Variants in CELF2 observed in about 807,000 individuals in gnomAD.
The protein encoded by CELF2 is CUGBP Elav-like family member 2.
In CELF2, 8 loss-of-function variants were observed where a neutral mutation model predicts 62.6. That is an observed-to-expected ratio of 0.13 (90% confidence interval 0.07 to 0.23). The LOEUF is 0.23. Ranked by LOEUF, CELF2 falls within the 10% of genes least tolerant of loss-of-function variation. The pLI is 1.00. For missense variants in CELF2, 333 were observed against 671.0 expected (o/e 0.50, Z 5.56); for synonymous variants, 258 against 250.0 (o/e 1.03, Z -0.30).
rs939460909 is a variant in CELF2, at chr10:10,995,712, T to G, written c.89+75713T>G. Among the ~76,000 whole-genome samples the G allele has an allele frequency of 3.3e-5, 5 of 152,146 alleles. No homozygotes were observed. Among genetic ancestry groups the G allele is most frequent in the African/African-American group, 1.2e-4 (5 of 41,450 alleles). The stretch of plus-strand genomic sequence containing the variant: ...GTATTAAATAACTCTGGCTGAAATG[T>G]GTAGCATGGATCAGAGCCAGAGAGA... On this transcript the variant is annotated intron_variant, in intron 2 of 13. Transcript: ENST00000636488. The surrounding 1 kb of genome is among the most constrained non-coding windows in gnomAD (Gnocchi z 4.7).
the CELF2 span, among the ~76,000 whole-genome samples, chr10:10,546,303 A>C: frequency 6.6e-6 from 1 of 152,146 alleles, no homozygotes; most frequent in Non-Finnish European, 1.5e-5. Flanking sequence ...AAACCCACCG[A>C]ATTCTGATAA....
chr10:10,685,830 G>C, the CELF2 span, among the ~76,000 whole-genome samples: 1 of 152,124 alleles, frequency 6.6e-6, no homozygotes, highest in Non-Finnish European at 1.5e-5. Context: ...ACTGTTAGTC[G>C]GGGGAAGCTG....
chr10:11,283,516 T>C (rs2089742729), intron 8 of CELF2, among the ~76,000 whole-genome samples: 1 of 148,740 alleles, frequency 6.7e-6, no homozygotes, highest in African/African-American at 2.5e-5. Flanking sequence ...GGATAATGGA[T>C]GGATGGGTGA....
chr10:10,991,545 A>T (rs954653415), intron 2 of CELF2, among the ~76,000 whole-genome samples: 1 of 152,216 alleles, frequency 6.6e-6, no homozygotes, highest in African/African-American at 2.4e-5. Flanking sequence ...AACTGCCCAT[A>T]ACAAATTAGA....
chr10:11,203,142 T>C (rs939410347), intron 2 of CELF2, among the ~76,000 whole-genome samples: 16 of 152,134 alleles, frequency 1.1e-4, no homozygotes, highest in South Asian at 4.1e-4. Flanking sequence ...AATGAAAGTT[T>C]TTAGATCAAA....
At chr10:10,982,059 G>A (rs1358185155) in intron 2 of CELF2, among the ~76,000 whole-genome samples, 5 of 149,914 alleles carry the variant, frequency 3.3e-5, no homozygotes, top group East Asian at 2.0e-4. Context: ...AAGTTCAAGC[G>A]ATTCTCCTGC....
At chr10:10,964,419 C>T (rs549168251) in intron 2 of CELF2, among the ~76,000 whole-genome samples, 1 of 152,192 alleles carries the variant, frequency 6.6e-6, no homozygotes, top group East Asian at 1.9e-4. Context: ...TCATCTCGTG[C>T]CTTCAAAAAG....
the CELF2 span, among the ~76,000 whole-genome samples, chr10:10,560,463 T>C: frequency 6.6e-6 from 1 of 152,164 alleles, no homozygotes; most frequent in African/African-American, 2.4e-5. Flanking sequence ...CCTGGCAGGA[T>C]GAGGGGTAAT....
At chr10:10,912,720 G>A (rs1162046575) in intron 1 of CELF2, among the ~76,000 whole-genome samples, 1 of 152,170 alleles carries the variant, frequency 6.6e-6, no homozygotes, top group African/African-American at 2.4e-5. Flanking sequence ...AAGCCAGAAG[G>A]GGTGCAGGAG....
At chr10:10,798,585 A>C, upstream of CELF2, 1 of 395,392 alleles carries the variant, frequency 2.5e-6, no homozygotes, top group African/African-American at 2.1e-5. Context: ...TGTGGGACGG[A>C]GGAGAGCGCA....
chr10:10,768,082 C>T, the CELF2 span, among the ~76,000 whole-genome samples: 875 of 145,398 alleles, frequency 6.0e-3, 12 homozygotes, highest in African/African-American at 0.022. Flanking sequence ...AGGAGAATGG[C>T]GTGAACCCGG....
intron 2 of CELF2, among the ~76,000 whole-genome samples, chr10:10,968,539 G>A (rs1380719303): frequency 6.6e-6 from 1 of 152,210 alleles, no homozygotes; most frequent in African/African-American, 2.4e-5. Context: ...TCTGTGTGAA[G>A]TGGGAGTGTA....
intron 1 of CELF2, among the ~76,000 whole-genome samples, chr10:11,077,437 TA>T (rs2072369357): frequency 6.6e-6 from 1 of 152,226 alleles, no homozygotes; most frequent in Non-Finnish European, 1.5e-5. Context: ...AAGGCTTTTA[TA>T]ACGAGAGACC....
the CELF2 span, among the ~76,000 whole-genome samples, chr10:10,546,799 G>A: frequency 1.3e-5 from 2 of 149,138 alleles, no homozygotes; most frequent in Non-Finnish European, 3.0e-5. Flanking sequence ...TTTTTTTCCT[G>A]AATGATTCCT....
chr10:11,205,365 C>G (rs1345311827), intron 2 of CELF2, among the ~76,000 whole-genome samples: 1 of 152,196 alleles, frequency 6.6e-6, no homozygotes, highest in African/African-American at 2.4e-5. Context: ...CAAAGGGAGC[C>G]TGCATAGTGT....
the CELF2 span, among the ~76,000 whole-genome samples, chr10:10,581,763 T>C: frequency 2.0e-5 from 3 of 152,068 alleles, no homozygotes; most frequent in Non-Finnish European, 4.4e-5. Flanking sequence ...GGCGCGGTGG[T>C]TCACGCCTGT....
chr10:11,316,035 G>GCTGCT lies in CELF2; in HGVS notation c.1096+1787_1096+1791dup, dbSNP rs1238347624. 1.3e-5 allele frequency among the ~76,000 whole-genome samples: 2 copies of GCTGCT among 152,190 alleles called. No individual in the cohort carries two copies. The highest frequency in any genetic ancestry group is 4.8e-5 in the African/African-American group (2 of 41,446). On this transcript the variant is annotated intron_variant, in intron 10 of 12. Transcript: ENST00000633077. The surrounding 1 kb of genome is among the most constrained non-coding windows in gnomAD (Gnocchi z 4.4). ...CTCGTCTGCGTCCCGCCCTGTCCACGCTGCTCTGCTCTGCATTGCTGAGAT... is the reference window on the plus strand; with the variant it reads ...CTCGTCTGCGTCCCGCCCTGTCCACGCTGCTCTGCTCTGCTCTGCATTGCTGAGAT...
the CELF2 span, among the ~76,000 whole-genome samples, chr10:10,589,766 A>G: frequency 2.0e-5 from 3 of 152,218 alleles, no homozygotes; most frequent in African/African-American, 7.2e-5. Flanking sequence ...GAAATTAGGC[A>G]AATTCTCACA....
the CELF2 span, among the ~76,000 whole-genome samples, chr10:10,769,651 A>T: frequency 6.6e-6 from 1 of 152,032 alleles, no homozygotes; most frequent in African/African-American, 2.4e-5. Context: ...GTAGTCCCAG[A>T]TACTCAGGGG....
Sources: gnomAD v4.1 joint callset for allele counts (sites outside exome capture counted in the v4.1 genomes callset) on GRCh38, gnomAD v4.1.1 for gene constraint, Gnocchi (gnomAD v3.1) non-coding constraint, MANE v1.5 for transcripts, NCBI Gene and HGNC (gene_info 2026-07-23, HGNC 2026-07-21) for gene names.